Variants in USP7 observed in about 807,000 individuals in gnomAD.
The protein encoded by USP7 is ubiquitin C-terminal hydrolase 7.
A neutral mutation model predicts 162.9 loss-of-function variants in USP7; 9 were observed. That is an observed-to-expected ratio of 0.06 (90% CI 0.03 to 0.10). The LOEUF (loss-of-function observed/expected upper bound fraction) is 0.10, where lower values mean the gene tolerates loss of function less well. USP7 is among the 10% of genes least tolerant of loss of function. The pLI, the probability that USP7 is intolerant of heterozygous loss-of-function variation, is 1.00. For missense variants in USP7, 715 were observed against 1,373.7 expected (o/e 0.52, Z 7.58); for synonymous variants, 562 against 475.9 (o/e 1.18, Z -2.35).
At chr16:8,932,926 T>C (rs1226291417) in intron 1 of USP7, among the ~76,000 whole-genome samples, 1 of 152,038 alleles carries the variant, frequency 6.6e-6, no homozygotes, top group Non-Finnish European at 1.5e-5. Context: ...GCCTATTAAA[T>C]AAATTATGGC....
At position 8,899,014 on chromosome 16, in the gene USP7, G is replaced by C. The variant is rs1309621463; in HGVS notation, c.2531+107C>G. The C allele has an allele frequency of 2.5e-6, 3 of 1,178,772 alleles. No homozygotes were observed. In the African/African-American group the frequency reaches 4.6e-5, roughly 18 times the overall value. 73.0% of individuals were successfully genotyped at this position (1,178,772 alleles called of 1,614,324 possible). A position where few individuals can be genotyped will look rare whatever the true frequency, so the allele number is the denominator to read the frequency against. On this transcript the variant is annotated intron_variant, in intron 23 of 30. Transcript: ENST00000344836. Reference sequence around the variant, plus strand: ...TCTGAAACTAAGCAAGAAATGGACTGTCAGGTGAAATGGCGAGCTAATTAT... The same window carrying C: ...TCTGAAACTAAGCAAGAAATGGACTCTCAGGTGAAATGGCGAGCTAATTAT...
At chr16:8,952,751 C>T (rs1306442878) in intron 1 of USP7, among the ~76,000 whole-genome samples, 10 of 152,320 alleles carry the variant, frequency 6.6e-5, no homozygotes, top group Non-Finnish European at 1.2e-4. Context: ...ATTCTGCAAA[C>T]CACAGACCCT....
rs574968915 is a variant in USP7 at position 8,934,222 on chromosome 16, C to T, written c.80-3825G>A. The stretch of plus-strand genomic sequence containing the variant: ...AACTTCATGTCTAAAATCAGGATCA[C>T]ATGTAAGTGTAAGCAGTCTAAAGTG... On this transcript the variant is annotated intron_variant, in intron 1 of 30. Coordinates refer to ENST00000344836, the MANE Select transcript of USP7 (RefSeq NM_003470.3). 2.0e-5 allele frequency among the ~76,000 whole-genome samples: 3 copies of T among 152,244 alleles called. No homozygotes were observed. The East Asian group carries it at 5.8e-4, about 29-fold the overall frequency.
intron 1 of USP7, among the ~76,000 whole-genome samples, chr16:8,934,347 G>T (rs961969379): frequency 2.2e-4 from 33 of 152,184 alleles, no homozygotes; most frequent in African/African-American, 7.2e-4. Flanking sequence ...AGTGAATTCA[G>T]ATTAGAGCTC....
chr16:8,915,378 G>C (rs767198934), intron 9 of USP7, 34 bp from the exon 10 acceptor site: 13 of 1,612,078 alleles, frequency 8.1e-6, no homozygotes, highest in Non-Finnish European at 1.1e-5. Flanking sequence ...GGTTTAACTA[G>C]TAATAGTCAA....
chr16:8,904,524 G>T lies in USP7; in HGVS notation c.1615C>A (p.Gln539Lys). 6.2e-7 allele frequency: 1 copy of T among 1,614,176 alleles called. No individual in the cohort carries two copies. Among genetic ancestry groups the T allele is most frequent in the Non-Finnish European group, 8.5e-7 (1 of 1,180,026 alleles). The change falls in exon 15 of 31, where the codon CAG becomes AAG. Residue 539 changes from glutamine (Q) to lysine (K), a missense_variant. Physicochemically the swap from Gln to Lys is moderately conservative, Grantham distance 53 (BLOSUM62 1). Coordinates refer to ENST00000344836, the MANE Select transcript of USP7 (RefSeq NM_003470.3). ...QAVTDHDIPQ[Q>K]LVERLQEEKR... Reference sequence around the variant, plus strand: ...TCTTCTTGTAATCGCTCCACCAACTGCTGAGGAATATCATGGTCGGTGACC... The same window carrying T: ...TCTTCTTGTAATCGCTCCACCAACTTCTGAGGAATATCATGGTCGGTGACC...
intron 2 of USP7, among the ~76,000 whole-genome samples, chr16:8,927,687 T>C (rs537794732): frequency 7.8e-4 from 119 of 151,868 alleles, no homozygotes; most frequent in Admixed American, 2.6e-3. Flanking sequence ...AATACAAAAA[T>C]TAGCCAGGCG....
chr16:8,957,396 T>C (rs1339214267), intron 1 of USP7, among the ~76,000 whole-genome samples: 1 of 152,150 alleles, frequency 6.6e-6, no homozygotes, highest in Non-Finnish European at 1.5e-5. Flanking sequence ...AGGATAAAAC[T>C]TCTTTGCCTT....
intron 27 of USP7, 36 bp from the exon 28 acceptor site, chr16:8,895,186 G>C (rs377694607): frequency 6.2e-7 from 1 of 1,613,856 alleles, no homozygotes; most frequent in South Asian, 1.1e-5. Flanking sequence ...TTCTGTAAGT[G>C]CAAGTGATGT....
intron 15 of USP7, among the ~76,000 whole-genome samples, chr16:8,903,818 G>T (rs921414171): frequency 2.7e-5 from 4 of 149,192 alleles, no homozygotes; most frequent in African/African-American, 9.9e-5. Flanking sequence ...GGTGAGCAGA[G>T]ATCGCGCCAC....
chr16:8,895,590 C>G (rs1385177612), intron 27 of USP7, 52 bp downstream of exon 27: 1 of 1,392,432 alleles, frequency 7.2e-7, no homozygotes, highest in African/African-American at 1.4e-5. Context: ...AAATATGCAG[C>G]AGATGGGGCT....
intron 15 of USP7, 98 bp downstream of exon 15, chr16:8,904,337 T>C: frequency 2.6e-6 from 4 of 1,544,084 alleles, no homozygotes; most frequent in East Asian, 4.6e-5. Flanking sequence ...CATGGTGACC[T>C]GGGAGTCCCA....
At chr16:8,894,940 T>C in intron 28 of USP7, 85 bp from the exon 29 acceptor site, 1 of 1,613,442 alleles carries the variant, frequency 6.2e-7, no homozygotes, top group Non-Finnish European at 8.5e-7. Flanking sequence ...AACCAACGCC[T>C]AACCCCAGCA....
At chr16:8,942,154 T>C (rs1485612607) in intron 1 of USP7, among the ~76,000 whole-genome samples, 1 of 152,244 alleles carries the variant, frequency 6.6e-6, no homozygotes, top group Non-Finnish European at 1.5e-5. Context: ...ATGGAGGGCC[T>C]TGAAGGCCAC....
chr16:8,906,640 T>C, intron 12 of USP7, 58 bp from the exon 13 acceptor site: 1 of 1,535,042 alleles, frequency 6.5e-7, no homozygotes, highest in South Asian at 1.2e-5. Context: ...AATATCACAC[T>C]TTACAGTAAG....
At chr16:8,894,455 T>A in intron 30 of USP7, 95 bp downstream of exon 30, 1 of 1,257,896 alleles carries the variant, frequency 7.9e-7, no homozygotes. Flanking sequence ...AGAGAGGAGC[T>A]GGCACTTGAC....
At chr16:8,894,448 G>A in intron 30 of USP7, 102 bp downstream of exon 30, 1 of 1,174,038 alleles carries the variant, frequency 8.5e-7, no homozygotes, top group Non-Finnish European at 1.2e-6. Flanking sequence ...AGTGGAGAGA[G>A]AGGAGCTGGC....
At chr16:8,897,304 A>C in intron 25 of USP7, 2 of 526,510 alleles carry the variant, frequency 3.8e-6, no homozygotes, top group Non-Finnish European at 6.8e-6. Flanking sequence ...CCAACCAAAT[A>C]CTGACGGGAG....
chr16:8,942,799 C>T (rs1388388841), intron 1 of USP7, among the ~76,000 whole-genome samples: 3 of 152,148 alleles, frequency 2.0e-5, no homozygotes, highest in African/African-American at 7.2e-5. Flanking sequence ...TCTCCCAGCT[C>T]GGCCTCCAAA....
Sources: allele counts gnomAD v4.1 joint callset (sites outside exome capture counted in the v4.1 genomes callset), GRCh38; gene constraint gnomAD v4.1.1; transcripts MANE v1.5; gene names NCBI Gene and HGNC (gene_info 2026-07-23, HGNC 2026-07-21).